The following PARD3B variants were observed in gnomAD, a reference collection of about 807,000 sequenced individuals.
PARD3B encodes partitioning defective 3 homolog B.
In PARD3B, 103 loss-of-function variants were observed where a neutral mutation model predicts 130.2. The observed-to-expected ratio is 0.79, with a 90% CI of 0.67 to 0.93. PARD3B has a LOEUF of 0.93. Among genes scored for constraint, PARD3B ranks in the 40% least tolerant of loss-of-function variants. The pLI is 0.00. For missense variants in PARD3B, 1,609 were observed against 1,499.2 expected, an observed-to-expected ratio of 1.07 and a Z score of -1.21; for synonymous variants, 583 against 553.2, an observed-to-expected ratio of 1.05 and a Z score of -0.76.
chr2:204,700,448 G>T (rs927068943), intron 2 of PARD3B, among the ~76,000 whole-genome samples: 5 of 152,046 alleles, frequency 3.3e-5, no homozygotes, highest in Non-Finnish European at 7.4e-5. Context: ...GAAATAAATA[G>T]ATTTTTAAAA....
chr2:205,437,846 T>C (rs1183513190), intron 19 of PARD3B, among the ~76,000 whole-genome samples: 2 of 152,154 alleles, frequency 1.3e-5, no homozygotes, highest in East Asian at 3.9e-4. Flanking sequence ...AGGGTATCTT[T>C]TGAAAAATAA....
At chr2:204,779,532 A>G (rs1327181938) in intron 2 of PARD3B, among the ~76,000 whole-genome samples, 3 of 152,218 alleles carry the variant, frequency 2.0e-5, no homozygotes, top group Non-Finnish European at 2.9e-5. Context: ...TGAAACATGG[A>G]ACATTCTGAT....
intron 3 of PARD3B, among the ~76,000 whole-genome samples, chr2:205,032,951 A>G (rs1697531469): frequency 6.6e-6 from 1 of 152,224 alleles, no homozygotes; most frequent in Admixed American, 6.5e-5. Context: ...ATTTGAATTT[A>G]GTACTTTGAT....
rs180822563 is a variant in PARD3B at position 205,189,668 on chromosome 2, C to A, written c.2025-3537C>A. On this transcript the variant is annotated intron_variant, in intron 14 of 22. Coordinates refer to ENST00000406610, the MANE Select transcript of PARD3B (RefSeq NM_001302769.2). The stretch of plus-strand genomic sequence containing the variant: ...GAGATATGTAGCGTAAAGTTACAAA[C>A]CGTTTTACTAGTCTAACTTACATGT... Among the ~76,000 whole-genome samples, 15 of 152,348 alleles carry A rather than the reference C, an allele frequency of 9.8e-5. No homozygotes were observed. In the East Asian group the frequency reaches 2.1e-3, roughly 22 times the overall value.
chr2:205,395,046 T>C (rs2045976989), intron 18 of PARD3B, among the ~76,000 whole-genome samples: 1 of 152,230 alleles, frequency 6.6e-6, no homozygotes, highest in Admixed American at 6.5e-5. Context: ...AAATTTATTC[T>C]TCTCTGTCCT....
At chr2:205,153,940 A>G (rs1232030111) in intron 10 of PARD3B, among the ~76,000 whole-genome samples, 1 of 152,188 alleles carries the variant, frequency 6.6e-6, no homozygotes, top group Admixed American at 6.5e-5. Flanking sequence ...AAGCATAAAA[A>G]CCCTAGAAGA....
intron 19 of PARD3B, among the ~76,000 whole-genome samples, chr2:205,406,064 G>A (rs560171462): frequency 6.6e-5 from 10 of 152,224 alleles, no homozygotes; most frequent in African/African-American, 2.2e-4. Context: ...CAGAGCATGC[G>A]GGTACTAAAT....
chr2:205,178,972 TG>T (rs1224405116), intron 13 of PARD3B, among the ~76,000 whole-genome samples: 1 of 152,142 alleles, frequency 6.6e-6, no homozygotes, highest in Non-Finnish European at 1.5e-5. Context: ...AAGAAGGCAT[TG>T]TTACCATAGG....
At chr2:205,135,222 T>G (rs1458058653) in intron 10 of PARD3B, among the ~76,000 whole-genome samples, 1 of 152,196 alleles carries the variant, frequency 6.6e-6, no homozygotes, top group Non-Finnish European at 1.5e-5. Flanking sequence ...AGCTGTTGAT[T>G]TGGAGCAAGC....
chr2:204,622,373 G>GGACAC (rs2034335565), intron 1 of PARD3B, among the ~76,000 whole-genome samples: 2 of 152,208 alleles, frequency 1.3e-5, no homozygotes, highest in East Asian at 3.9e-4. Flanking sequence ...CTCATTGTCC[G>GGACAC]TGTATGGCAT....
At chr2:205,127,381 A>G (rs146817153) in intron 10 of PARD3B, among the ~76,000 whole-genome samples, 1 of 152,116 alleles carries the variant, frequency 6.6e-6, no homozygotes. Context: ...ATGTGATAAA[A>G]GGACTTGTAT....
rs903807045 is a variant in PARD3B at position 205,269,580 on chromosome 2, C to T, written c.2185+23758C>T. Among the ~76,000 whole-genome samples, 1 of 152,020 alleles carries T rather than the reference C, an allele frequency of 6.6e-6. No homozygotes were observed. The highest frequency in any genetic ancestry group is 1.5e-5 in the Non-Finnish European group (1 of 67,996). ...ATTGGGCTGCTGGGCTGCTGATTCTCAATAACCACACTTACACCTGACAAA... is the reference window on the plus strand; with the variant it reads ...ATTGGGCTGCTGGGCTGCTGATTCTTAATAACCACACTTACACCTGACAAA... On this transcript the variant is annotated intron_variant, in intron 16 of 22. Coordinates refer to ENST00000406610, the MANE Select transcript of PARD3B (RefSeq NM_001302769.2). The surrounding 1 kb of genome is among the most constrained non-coding windows in gnomAD (Gnocchi z 4.7).
At chr2:204,569,351 T>TTAA (rs1302164316) in intron 1 of PARD3B, among the ~76,000 whole-genome samples, 1 of 152,236 alleles carries the variant, frequency 6.6e-6, no homozygotes, top group Non-Finnish European at 1.5e-5. Flanking sequence ...ATGCCTCTCT[T>TTAA]TAAGCTCCAA....
At chr2:205,156,272 G>T (rs1366830301) in intron 10 of PARD3B, among the ~76,000 whole-genome samples, 3 of 11,726 alleles carry the variant, frequency 2.6e-4, no homozygotes, top group South Asian at 1.4e-3. Context: ...TGGGGTGGGC[G>T]GGGGGGGGAG....
At chr2:205,285,543 T>A (rs535851355) in intron 16 of PARD3B, among the ~76,000 whole-genome samples, 12 of 152,256 alleles carry the variant, frequency 7.9e-5, no homozygotes, top group African/African-American at 2.6e-4. Flanking sequence ...TGTTGGTCTT[T>A]TCCCATTCTC....
At chr2:205,313,614 G>A (rs2042465488) in intron 18 of PARD3B, among the ~76,000 whole-genome samples, 1 of 152,102 alleles carries the variant, frequency 6.6e-6, no homozygotes, top group African/African-American at 2.4e-5. Flanking sequence ...TCAACCAAAA[G>A]GCTTATTTAT....
intron 1 of PARD3B, among the ~76,000 whole-genome samples, chr2:204,557,810 T>C (rs2031026972): frequency 6.6e-6 from 1 of 152,240 alleles, no homozygotes; most frequent in Non-Finnish European, 1.5e-5. Context: ...TTTCAAATTC[T>C]GACAGGTTGA....
In PARD3B at chr2:205,388,652, G is replaced by T. The variant is rs533901723; in HGVS notation, c.2631-12361G>T. Among the ~76,000 whole-genome samples the T allele has an allele frequency of 2.6e-5, 4 of 152,204 alleles. No homozygotes were observed. In the East Asian group the frequency reaches 7.7e-4, roughly 29 times the overall value. ...AGTGATATTATGCTGCTGGAGAATG[G>T]AATTATATCTACTTTTATAAAACTA... On this transcript the variant is annotated intron_variant, in intron 18 of 22. Coordinates refer to ENST00000406610, the MANE Select transcript of PARD3B (RefSeq NM_001302769.2).
At chr2:205,097,485 TA>T (rs960518203) in intron 4 of PARD3B, among the ~76,000 whole-genome samples, 4 of 152,162 alleles carry the variant, frequency 2.6e-5, no homozygotes, top group African/African-American at 9.7e-5. Context: ...CCGGCTTAGT[TA>T]ATAATTTTTA....
Sources: allele counts gnomAD v4.1 joint callset (sites outside exome capture counted in the v4.1 genomes callset), GRCh38; gene constraint gnomAD v4.1.1; non-coding constraint Gnocchi (gnomAD v3.1); transcripts MANE v1.5; gene names NCBI Gene and HGNC (gene_info 2026-07-23, HGNC 2026-07-21).